Variants in SLIT3 observed in about 807,000 individuals in gnomAD.
SLIT3 encodes the protein slit homolog 3 protein.
In SLIT3, 68 loss-of-function variants were observed where a neutral mutation model predicts 184.0. The observed-to-expected ratio is 0.37, with a 90% CI of 0.30 to 0.45. The LOEUF is 0.45. SLIT3 is among the 20% of genes least tolerant of loss of function. The probability of loss-of-function intolerance (pLI) is 1.00; values close to 1 mark genes in which losing one functional copy is unlikely to be tolerated. For missense variants in SLIT3, 1,707 were observed against 2,026.0 expected (o/e 0.84, Z 3.02); for synonymous variants, 831 against 828.6 (o/e 1.00, Z -0.05).
chr5:169,235,716 G>A (rs1462697315), intron 3 of SLIT3, among the ~76,000 whole-genome samples: 2 of 152,132 alleles, frequency 1.3e-5, no homozygotes, highest in Non-Finnish European at 2.9e-5. Flanking sequence ...ACAGTTTTGA[G>A]GAGGACTATT....
chr5:168,992,558 G>A (rs2113390563), intron 4 of SLIT3, among the ~76,000 whole-genome samples: 1 of 152,348 alleles, frequency 6.6e-6, no homozygotes, highest in South Asian at 2.1e-4. Flanking sequence ...GGAACCTTCT[G>A]TTGAATGGAG....
intron 8 of SLIT3, among the ~76,000 whole-genome samples, chr5:168,806,854 G>A (rs549956865): frequency 1.3e-5 from 2 of 152,082 alleles, no homozygotes; most frequent in African/African-American, 4.8e-5. Context: ...AGAAAGAGGG[G>A]CCCTCAGAGT....
rs190651721 is a variant in SLIT3, at chr5:168,902,194, A to G, written c.414-18858T>C. 2.1e-3 allele frequency among the ~76,000 whole-genome samples: 325 copies of G among 152,274 alleles called. 3 individuals carry two copies. Among genetic ancestry groups the G allele is most frequent in the African/African-American group, 7.5e-3 (311 of 41,558 alleles). On this transcript the variant is annotated intron_variant, in intron 4 of 35. Transcript: ENST00000519560. ...CATGAGCCACTGTGCCTGGCCTGAA[A>G]TGGATAGTCTTTCTAGATCCATGTA... is the stretch of plus-strand genomic sequence containing the variant.
intron 4 of SLIT3, among the ~76,000 whole-genome samples, chr5:168,951,171 G>A (rs112781411): frequency 0.014 from 2,158 of 152,312 alleles, 28 homozygotes; most frequent in Non-Finnish European, 0.025. Flanking sequence ...AGTGAGCCAA[G>A]ATTGCACCAC....
At chr5:169,046,928 T>C (rs1581348364) in intron 4 of SLIT3, among the ~76,000 whole-genome samples, 1 of 152,116 alleles carries the variant, frequency 6.6e-6, no homozygotes, top group Admixed American at 6.5e-5. Context: ...AAAAACACCA[T>C]TTGCTTTCTA....
Position 168,851,289 on chromosome 5 carries a change from C to T in SLIT3, c.486-6634G>A, listed in dbSNP as rs547909830. 4.8e-5 allele frequency among the ~76,000 whole-genome samples: 7 copies of T among 146,186 alleles called. No homozygotes were observed. In the South Asian group the frequency reaches 1.5e-3, roughly 32 times the overall value. On this transcript the variant is annotated intron_variant, in intron 5 of 35. Transcript: ENST00000519560. ...TGTGAGCAGAGATCGCACAACTGCA[C>T]TCGAGCCTGGGCGACAGAGTGAGAC...
chr5:168,737,480 C>T (rs1255854300), intron 20 of SLIT3, among the ~76,000 whole-genome samples: 2 of 152,188 alleles, frequency 1.3e-5, no homozygotes, highest in African/African-American at 4.8e-5. Context: ...CATGCACATG[C>T]ATATGCACAC....
intron 20 of SLIT3, among the ~76,000 whole-genome samples, chr5:168,728,016 G>A (rs938744734): frequency 1.8e-4 from 27 of 152,074 alleles, no homozygotes; most frequent in Admixed American, 3.9e-4. Context: ...TGCTAGGAAG[G>A]GGTATGACCT....
chr5:168,884,270 T>C (rs1184597093), intron 4 of SLIT3, among the ~76,000 whole-genome samples: 3 of 151,674 alleles, frequency 2.0e-5, no homozygotes, highest in Non-Finnish European at 4.4e-5. Flanking sequence ...AAAACACTCA[T>C]GCCAGGCCTC....
chr5:168,803,793 C>T (rs1024833633), intron 9 of SLIT3, among the ~76,000 whole-genome samples: 10 of 152,006 alleles, frequency 6.6e-5, no homozygotes, highest in South Asian at 2.1e-4. Flanking sequence ...AGGAAAGGAA[C>T]GATCCATAGG....
At chr5:168,991,064 C>T (rs2113385852) in intron 4 of SLIT3, among the ~76,000 whole-genome samples, 1 of 152,314 alleles carries the variant, frequency 6.6e-6, no homozygotes, top group Middle Eastern at 3.4e-3. Context: ...TGACATCACA[C>T]AGCTAGCAAC....
Position 168,749,524 on chromosome 5 carries a change from GA to G in SLIT3, c.2084del (p.Phe695SerfsTer27). ...CATCCTGGATGGGAATCTCCTTGAG[GA>G]AAAATGGCTTCTGGCACCTAGGGTT... Reference protein sequence around the residue: ...SGNPRCQKPFFLKEIPIQDVA... With the variant: ...SGNPRCQKPFXLKEIPIQDVA... On this transcript the variant is annotated frameshift_variant, in exon 19 of 36. Transcript: ENST00000519560. LOFTEE classifies it high-confidence loss of function. 2 of 1,614,164 alleles carry G rather than the reference GA, an allele frequency of 1.2e-6. No homozygotes were observed. The highest frequency in any genetic ancestry group is 1.1e-5 in the South Asian group (1 of 91,084).
intron 12 of SLIT3, among the ~76,000 whole-genome samples, chr5:168,784,399 G>C (rs759049362): frequency 3.3e-5 from 5 of 152,162 alleles, no homozygotes; most frequent in Non-Finnish European, 5.9e-5. Flanking sequence ...CACACACAGA[G>C]TGGGGCAGAC....
rs576378930 is a variant in SLIT3 at position 168,888,059 on chromosome 5, C to T, written c.414-4723G>A. On this transcript the variant is annotated intron_variant, in intron 4 of 35. Coordinates refer to ENST00000519560, the MANE Select transcript of SLIT3 (RefSeq NM_003062.4). ...CTGGATTCAGAAATAAGAGGTCTGTCTTATGTTGGGTTCTCTCAGAAACAG... is the reference window on the plus strand; with the variant it reads ...CTGGATTCAGAAATAAGAGGTCTGTTTTATGTTGGGTTCTCTCAGAAACAG... Among the ~76,000 whole-genome samples, 3 of 152,226 alleles carry T rather than the reference C, an allele frequency of 2.0e-5. No homozygotes were observed. In the South Asian group the frequency reaches 6.2e-4, roughly 32 times the overall value.
intron 3 of SLIT3, among the ~76,000 whole-genome samples, chr5:169,234,045 T>C (rs774238994): frequency 6.6e-6 from 1 of 152,258 alleles, no homozygotes; most frequent in Non-Finnish European, 1.5e-5. Flanking sequence ...TTAAATACTT[T>C]CTTCAGTATC....
intron 16 of SLIT3, among the ~76,000 whole-genome samples, chr5:168,756,706 G>C (rs1754960021): frequency 6.6e-6 from 1 of 152,190 alleles, no homozygotes; most frequent in Non-Finnish European, 1.5e-5. Context: ...GATGCAGGAG[G>C]AGAGATAAAG....
intron 5 of SLIT3, among the ~76,000 whole-genome samples, chr5:168,867,138 T>C (rs560011676): frequency 6.6e-6 from 1 of 152,352 alleles, no homozygotes; most frequent in South Asian, 2.1e-4. Context: ...ACCTGCATTC[T>C]AAATAAGGTC....
At chr5:169,009,290 T>C (rs1432909) in intron 4 of SLIT3, among the ~76,000 whole-genome samples, 23,984 of 152,176 alleles carry the variant, frequency 0.16, 2,129 homozygotes, top group East Asian at 0.41. Context: ...AGATCCCACA[T>C]AGCTGTGTCT....
intron 4 of SLIT3, among the ~76,000 whole-genome samples, chr5:168,987,571 C>T (rs1755175220): frequency 6.6e-6 from 1 of 152,248 alleles, no homozygotes; most frequent in African/African-American, 2.4e-5. Context: ...TACATGCAAA[C>T]TGCTAAGCGT....
Sources: gnomAD v4.1 joint callset for allele counts (sites outside exome capture counted in the v4.1 genomes callset) on GRCh38, gnomAD v4.1.1 for gene constraint, MANE v1.5 for transcripts, NCBI Gene and HGNC (gene_info 2026-07-23, HGNC 2026-07-21) for gene names.